UBE2F: variants seen among roughly 807,000 people sequenced by gnomAD.
UBE2F encodes ubiquitin conjugating enzyme E2 F (putative), also known as NEDD8-conjugating enzyme UBE2F.
A neutral mutation model predicts 29.6 loss-of-function variants in UBE2F; 5 were observed. The observed-to-expected ratio is 0.17, with a 90% confidence interval of 0.09 to 0.36. The LOEUF is 0.36. Ranked by LOEUF, UBE2F falls within the 10% of genes least tolerant of loss-of-function variation. UBE2F has a pLI of 1.00. For missense variants in UBE2F, 141 were observed against 228.5 expected (o/e 0.62, Z 2.47); for synonymous variants, 66 against 81.8 (o/e 0.81, Z 1.04).
chr2:238,034,473 G>A (rs576324946), intron 8 of UBE2F, among the ~76,000 whole-genome samples: 1 of 152,006 alleles, frequency 6.6e-6, no homozygotes, highest in East Asian at 1.9e-4. Flanking sequence ...AGCCACACTA[G>A]CTCCCCATCT....
intron 4 of UBE2F, among the ~76,000 whole-genome samples, chr2:237,999,259 G>A (rs528715124): frequency 1.1e-4 from 17 of 152,162 alleles, no homozygotes; most frequent in South Asian, 4.1e-4. Flanking sequence ...TAGTAGAGAC[G>A]GGGTTTTGCT....
intron 4 of UBE2F, among the ~76,000 whole-genome samples, chr2:238,006,590 T>A (rs967043018): frequency 5.9e-5 from 9 of 152,198 alleles, no homozygotes; most frequent in Non-Finnish European, 1.2e-4. Context: ...TAGACTTTCC[T>A]ATGTAAACTA....
intron 5 of UBE2F, among the ~76,000 whole-genome samples, chr2:238,018,157 G>T (rs762334004): frequency 6.6e-6 from 1 of 152,154 alleles, no homozygotes; most frequent in Non-Finnish European, 1.5e-5. Flanking sequence ...TGGCGACGGA[G>T]CACTGCACCA....
At chr2:238,001,507 A>T (rs2063792722) in intron 4 of UBE2F, among the ~76,000 whole-genome samples, 1 of 152,194 alleles carries the variant, frequency 6.6e-6, no homozygotes, top group Admixed American at 6.5e-5. Flanking sequence ...GTATTCCTCT[A>T]AATTTGTTTC....
chr2:238,018,181 G>T (rs898448507), intron 5 of UBE2F, among the ~76,000 whole-genome samples: 1 of 152,150 alleles, frequency 6.6e-6, no homozygotes, highest in Non-Finnish European at 1.5e-5. Flanking sequence ...CCGGTGGGAG[G>T]TGGTTCCAGA....
At position 237,985,391 on chromosome 2, in the gene UBE2F, G is replaced by A. The variant is rs56197334; in HGVS notation, c.119-2572G>A. 4.0e-5 allele frequency among the ~76,000 whole-genome samples: 6 copies of A among 151,406 alleles called. No individual in the cohort carries two copies. The South Asian group carries it at 1.3e-3, about 32-fold the overall frequency. On this transcript the variant is annotated intron_variant, in intron 2 of 9. Transcript: ENST00000272930. ...CCCCCTTCCCCACTCCCATGCCCTA[G>A]TCACCACCGTTTTCTGTTCCTTCAT...
rs1162304454 is a variant in UBE2F at position 238,022,175 on chromosome 2, C to CTTTTTTTTTTTTTTTTTTTTTTTTTTTT, written c.283-3156_283-3155insTTTTTTTTTTTTTTTTTTTTTTTTTTTT. Among the ~76,000 whole-genome samples the CTTTTTTTTTTTTTTTTTTTTTTTTTTTT allele has an allele frequency of 5.5e-4, 35 of 63,304 alleles. 1 individual carries two copies. The highest frequency in any genetic ancestry group is 1.0e-3 in the African/African-American group (25 of 23,968). 41.5% of individuals were successfully genotyped at this position (63,304 alleles called of 152,430 possible). A position where few individuals can be genotyped will look rare whatever the true frequency, so the allele number is the denominator to read the frequency against. Reference sequence around the variant, plus strand: ...ATTTCTTTTTCTTTTCTTTTCTTTTCTTTTTTTTTTTGGAGACAGAGTCTT... The same window carrying CTTTTTTTTTTTTTTTTTTTTTTTTTTTT: ...ATTTCTTTTTCTTTTCTTTTCTTTTCTTTTTTTTTTTTTTTTTTTTTTTTTTTTTTTTTTTTTTTGGAGACAGAGTCTT... On this transcript the variant is annotated intron_variant, in intron 5 of 9. Coordinates refer to ENST00000272930, the MANE Select transcript of UBE2F (RefSeq NM_080678.3).
At chr2:237,984,802 C>A (rs1344392672) in intron 2 of UBE2F, among the ~76,000 whole-genome samples, 1 of 151,994 alleles carries the variant, frequency 6.6e-6, no homozygotes, top group Admixed American at 6.6e-5. Flanking sequence ...TTTTTTGAGA[C>A]AGGGTCTCAC....
intron 1 of UBE2F, among the ~76,000 whole-genome samples, chr2:237,970,289 C>A (rs2063148651): frequency 6.6e-6 from 1 of 152,188 alleles, no homozygotes; most frequent in African/African-American, 2.4e-5. Context: ...GTGGGAGGAT[C>A]TCTTGAACCT....
intron 4 of UBE2F, among the ~76,000 whole-genome samples, chr2:238,001,365 T>G (rs2063789982): frequency 6.6e-6 from 1 of 152,252 alleles, no homozygotes; most frequent in Admixed American, 6.5e-5. Context: ...GCTTTCCTTA[T>G]ATACCTTGAT....
At chr2:238,035,617 A>G (rs11684266) in intron 8 of UBE2F, 23,571 of 384,734 alleles carry the variant, frequency 0.061, 826 homozygotes, top group African/African-American at 0.11. Flanking sequence ...AATTTACTCC[A>G]TCTTCACCAA....
chr2:238,000,685 T>C (rs1559212460), intron 4 of UBE2F, among the ~76,000 whole-genome samples: 2 of 152,226 alleles, frequency 1.3e-5, no homozygotes, highest in Non-Finnish European at 2.9e-5. Context: ...TACAAAGCAG[T>C]TAAATTACTG....
chr2:237,977,076 T>C (rs2063296597), intron 2 of UBE2F, among the ~76,000 whole-genome samples: 1 of 152,182 alleles, frequency 6.6e-6, no homozygotes, highest in Non-Finnish European at 1.5e-5. Flanking sequence ...CCTGGAGCTC[T>C]CTGCCGGCTC....
intron 4 of UBE2F, among the ~76,000 whole-genome samples, chr2:238,004,036 C>T (rs549828626): frequency 6.6e-6 from 1 of 152,336 alleles, no homozygotes; most frequent in Admixed American, 6.5e-5. Flanking sequence ...TGGCTTCTCC[C>T]ACTTAGTGTA....
intron 4 of UBE2F, among the ~76,000 whole-genome samples, chr2:238,015,572 T>C (rs966490192): frequency 5.3e-5 from 8 of 151,748 alleles, no homozygotes; most frequent in African/African-American, 1.9e-4. Flanking sequence ...TGATACGGTC[T>C]CAACTCTTAA....
chr2:237,992,025 C>T (rs529091682), intron 3 of UBE2F, among the ~76,000 whole-genome samples: 6 of 152,178 alleles, frequency 3.9e-5, no homozygotes, highest in East Asian at 1.9e-4. Flanking sequence ...CCATTACATC[C>T]GGCTAATTTT....
intron 1 of UBE2F, among the ~76,000 whole-genome samples, chr2:237,972,339 G>C (rs1351345055): frequency 1.3e-5 from 2 of 152,198 alleles, no homozygotes; most frequent in Non-Finnish European, 2.9e-5. Context: ...TACCATGTGT[G>C]TGCATGATCC....
intron 2 of UBE2F, among the ~76,000 whole-genome samples, chr2:237,977,318 A>G (rs1001473272): frequency 1.9e-4 from 29 of 152,246 alleles, no homozygotes; most frequent in African/African-American, 6.5e-4. Context: ...ATTAAGTTTC[A>G]GAGTCCAAAG....
At chr2:238,024,426 G>T (rs1055085654) in intron 5 of UBE2F, among the ~76,000 whole-genome samples, 5 of 152,096 alleles carry the variant, frequency 3.3e-5, no homozygotes, top group Admixed American at 3.3e-4. Flanking sequence ...GCTCACTGCA[G>T]CCTACAACTT....
Sources: allele counts gnomAD v4.1 joint callset (sites outside exome capture counted in the v4.1 genomes callset), GRCh38; gene constraint gnomAD v4.1.1; transcripts MANE v1.5; gene names NCBI Gene and HGNC (gene_info 2026-07-23, HGNC 2026-07-21).